The following PPP1R7 variants were observed in gnomAD, a reference collection of about 807,000 sequenced individuals.
The protein encoded by PPP1R7 is protein phosphatase 1 regulatory subunit 22.
PPP1R7 carries 18 observed loss-of-function variants against 45.2 expected under a neutral mutation model. The observed-to-expected ratio is 0.40, with a 90% CI of 0.28 to 0.59. The LOEUF (loss-of-function observed/expected upper bound fraction) is 0.59, where lower values mean the gene tolerates loss of function less well. Ranked by LOEUF, PPP1R7 falls within the 20% of genes least tolerant of loss-of-function variation. The pLI is 0.46. For missense variants in PPP1R7, 314 were observed against 455.8 expected (o/e 0.69, Z 2.83); for synonymous variants, 181 against 183.4 (o/e 0.99, Z 0.11).
intron 5 of PPP1R7, among the ~76,000 whole-genome samples, 187 bp downstream of exon 5, chr2:241,159,530 G>A (rs2067538624): frequency 6.6e-6 from 1 of 152,116 alleles, no homozygotes; most frequent in Non-Finnish European, 1.5e-5. Context: ...AGGCCTCATC[G>A]GCTTCATGCA....
At chr2:241,174,598 G>C (rs186466928) in intron 9 of PPP1R7, among the ~76,000 whole-genome samples, 5 of 151,764 alleles carry the variant, frequency 3.3e-5, no homozygotes, top group African/African-American at 1.2e-4. Flanking sequence ...CACCTCATTT[G>C]TTTCCTGTCT....
At chr2:241,177,554 G>A (rs1390908101) in intron 9 of PPP1R7, among the ~76,000 whole-genome samples, 1 of 152,212 alleles carries the variant, frequency 6.6e-6, no homozygotes, top group Non-Finnish European at 1.5e-5. Flanking sequence ...AGAGGTTAAG[G>A]TTAAGGTTAT....
chr2:241,160,592 C>A, intron 6 of PPP1R7, 98 bp downstream of exon 6: 1 of 1,047,998 alleles, frequency 9.5e-7, no homozygotes, highest in Non-Finnish European at 1.3e-6. Flanking sequence ...GGTGAGTCTG[C>A]ATTTCTTACA....
Position 241,166,423 on chromosome 2 carries a change from C to T in PPP1R7, c.801C>T (p.Ile267=), listed in dbSNP as rs754382709. 48 of 1,613,648 alleles carry T rather than the reference C, an allele frequency of 3.0e-5. No individual in the cohort carries two copies. The Admixed American group carries it at 6.2e-4, about 21-fold the overall frequency. The part of the protein sequence containing the change: ...LYLSHNGIEV[I]EGLENNNKLT... ...TTAGCCACAATGGCATCGAGGTCAT[C>T]GAGGGCCTGGAGAACAATGTAAGAC... The change falls in exon 8 of 10, where the codon ATC becomes ATT. Residue 267 remains isoleucine (I), a synonymous_variant. Transcript: ENST00000234038.
chr2:241,170,858 G>C (rs374373013), intron 9 of PPP1R7, among the ~76,000 whole-genome samples: 50 of 152,308 alleles, frequency 3.3e-4, no homozygotes, highest in African/African-American at 1.1e-3. Context: ...GAATTTGGCA[G>C]GTGATAAAGA....
chr2:241,159,138 T>C, intron 4 of PPP1R7, 75 bp from the exon 5 acceptor site: 1 of 1,518,642 alleles, frequency 6.6e-7, no homozygotes, highest in Non-Finnish European at 9.0e-7. Context: ...CTTTCTTGTG[T>C]CCTCCAGTAT....
At position 241,160,402 on chromosome 2, in the gene PPP1R7, C is replaced by T. The variant is rs1559419962; in HGVS notation, c.505C>T (p.Leu169Phe). Residue 169 changes from leucine to phenylalanine, a missense_variant, in exon 6 of 10, where the codon CTC becomes TTC. Physicochemically the swap from Leu to Phe is conservative, Grantham distance 22. Coordinates refer to ENST00000234038, the MANE Select transcript of PPP1R7 (RefSeq NM_002712.3). ...TGACAAGTTGACACGACTGAAAAAA[C>T]TCTTCTTGGTCAACAATAAAATCAG... is the stretch of plus-strand genomic sequence containing the variant. ...GVDKLTRLKK[L>F]FLVNNKISKI... The T allele has an allele frequency of 1.9e-6, 3 of 1,613,068 alleles. No homozygotes were observed. The highest frequency in any genetic ancestry group is 1.7e-5 in the Admixed American group (1 of 59,728).
chr2:241,179,370 G>A (rs1206684184), intron 9 of PPP1R7, among the ~76,000 whole-genome samples: 1 of 152,176 alleles, frequency 6.6e-6, no homozygotes, highest in Non-Finnish European at 1.5e-5. Context: ...ACCACCTGAA[G>A]TGCTGTGTCC....
rs370338204 is a variant in PPP1R7 at position 241,150,556 on chromosome 2, C to A, written c.52+9C>A. The stretch of plus-strand genomic sequence containing the variant: ...GCAGGAGATGATGGAGGGTGAGCGG[C>A]CCCTGCGGGCGGCGGCCCAAGGGCC... On this transcript the variant is annotated intron_variant, in intron 1 of 9. Coordinates refer to ENST00000234038, the MANE Select transcript of PPP1R7 (RefSeq NM_002712.3). 7 of 1,588,684 alleles carry A rather than the reference C, an allele frequency of 4.4e-6. No individual in the cohort carries two copies. The African/African-American group carries it at 9.7e-5, about 22-fold the overall frequency.
intron 1 of PPP1R7, among the ~76,000 whole-genome samples, chr2:241,150,989 G>T (rs1474823293): frequency 6.6e-6 from 1 of 152,216 alleles, no homozygotes; most frequent in Non-Finnish European, 1.5e-5. Flanking sequence ...AAATCGAATG[G>T]ACTGTTGGGA....
At chr2:241,158,682 C>A in intron 4 of PPP1R7, 133 bp downstream of exon 4, 2 of 826,270 alleles carry the variant, frequency 2.4e-6, no homozygotes, top group African/African-American at 1.7e-5. Context: ...CACCTTGTAG[C>A]AGGCCTTTCT....
upstream of PPP1R7, chr2:241,149,914 C>T (rs1262613728): frequency 1.4e-6 from 2 of 1,433,748 alleles, no homozygotes; most frequent in Non-Finnish European, 1.8e-6. Context: ...GTGCCCCGCA[C>T]CTGCCCGCCT....
At chr2:241,164,898 A>G (rs1352242761) in intron 7 of PPP1R7, among the ~76,000 whole-genome samples, 1 of 151,816 alleles carries the variant, frequency 6.6e-6, no homozygotes, top group African/African-American at 2.4e-5. Context: ...AAATACAAAA[A>G]TTAGCCAGGC....
Sources: gnomAD v4.1 joint callset for allele counts (sites outside exome capture counted in the v4.1 genomes callset) on GRCh38, gnomAD v4.1.1 for gene constraint, MANE v1.5 for transcripts, NCBI Gene and HGNC (gene_info 2026-07-23, HGNC 2026-07-21) for gene names.